The following USP48 variants were observed in gnomAD, a reference collection of about 807,000 sequenced individuals.
USP48 encodes the protein ubiquitin specific peptidase 48.
In USP48, 43 loss-of-function variants were observed where a neutral mutation model predicts 150.7. The ratio of observed to expected loss-of-function variants is 0.29; its 90% CI spans 0.22 to 0.37. USP48 has a LOEUF of 0.37. USP48 is among the 10% of genes least tolerant of loss of function. USP48 has a pLI of 1.00. For missense variants in USP48, 813 were observed against 1,249.6 expected (o/e 0.65, Z 5.27); for synonymous variants, 396 against 425.9 (o/e 0.93, Z 0.86).
At chr1:21,772,393 G>A (rs777614939) in intron 1 of USP48, among the ~76,000 whole-genome samples, 17 of 152,136 alleles carry the variant, frequency 1.1e-4, no homozygotes, top group Non-Finnish European at 2.2e-4. Flanking sequence ...GGAGGCCGAG[G>A]CGGGCAGATC....
intron 9 of USP48, among the ~76,000 whole-genome samples, chr1:21,735,996 A>G (rs747941833): frequency 2.0e-5 from 3 of 152,072 alleles, no homozygotes; most frequent in Non-Finnish European, 2.9e-5. Context: ...AACTGCTTGA[A>G]CCCAGGAGGC....
chr1:21,733,429 A>G (rs2097761807), intron 9 of USP48, among the ~76,000 whole-genome samples: 1 of 152,190 alleles, frequency 6.6e-6, no homozygotes, highest in African/African-American at 2.4e-5. Context: ...AACAAAAAAA[A>G]GAGTACCCAA....
intron 25 of USP48, 84 bp downstream of exon 25, chr1:21,687,107 A>T (rs932933043): frequency 7.7e-7 from 1 of 1,290,826 alleles, no homozygotes; most frequent in African/African-American, 1.5e-5. Context: ...AAGTAAAAGC[A>T]CTGTACACTA....
rs555798277 is a variant in USP48, at chr1:21,697,358, C to G, written c.2728-2137G>C. 5.9e-5 allele frequency among the ~76,000 whole-genome samples: 9 copies of G among 151,872 alleles called. No homozygotes were observed. In the South Asian group the frequency reaches 1.9e-3, roughly 32 times the overall value. ...AACCCGATGAAACATTTTTCTCAGT[C>G]TCGACTGTTGAAAGAAAAGGTCAGG... On this transcript the variant is annotated intron_variant, in intron 22 of 26. Transcript: ENST00000308271.
chr1:21,694,559 G>C (rs1486567091), intron 23 of USP48, among the ~76,000 whole-genome samples: 4 of 88,642 alleles, frequency 4.5e-5, no homozygotes, highest in Non-Finnish European at 5.6e-5. Flanking sequence ...GACAGAGTGA[G>C]GCTCTGTCTC....
chr1:21,732,060 T>C (rs933602232), intron 9 of USP48, among the ~76,000 whole-genome samples: 3 of 152,114 alleles, frequency 2.0e-5, no homozygotes, highest in Non-Finnish European at 2.9e-5. Context: ...GGCGGATCAT[T>C]TGAGATCAGG....
intron 1 of USP48, chr1:21,768,193 C>G (rs1248502816): frequency 6.8e-6 from 1 of 147,340 alleles, no homozygotes; most frequent in East Asian, 2.0e-4. Flanking sequence ...GGCAACAGAA[C>G]AAGACTCCGT....
chr1:21,778,811 C>A (rs192448590), intron 1 of USP48, among the ~76,000 whole-genome samples: 47 of 150,500 alleles, frequency 3.1e-4, no homozygotes, highest in African/African-American at 1.1e-3. Flanking sequence ...AGTGCAGTGG[C>A]GTATCTCAGC....
chr1:21,714,278 TTGA>T (rs1366863697), intron 15 of USP48, among the ~76,000 whole-genome samples: 1 of 152,138 alleles, frequency 6.6e-6, no homozygotes, highest in Non-Finnish European at 1.5e-5. Context: ...TATTGTCCTA[TTGA>T]TTTTATTTTA....
intron 19 of USP48, among the ~76,000 whole-genome samples, chr1:21,704,904 G>C (rs111286135): frequency 0.017 from 2,570 of 152,062 alleles, 40 homozygotes; most frequent in African/African-American, 0.037. Context: ...TTTGCTTACT[G>C]GTGTATTTTC....
chr1:21,711,176 A>G (rs1215125512), intron 15 of USP48, among the ~76,000 whole-genome samples: 1 of 152,156 alleles, frequency 6.6e-6, no homozygotes, highest in African/African-American at 2.4e-5. Context: ...AGGGTTTAAA[A>G]GAAGGTTAAT....
intron 24 of USP48, among the ~76,000 whole-genome samples, chr1:21,688,032 G>C (rs1216450100): frequency 6.6e-6 from 1 of 152,090 alleles, no homozygotes; most frequent in Non-Finnish European, 1.5e-5. Flanking sequence ...GGGGCTCCAA[G>C]GTTTGAAAAG....
At chr1:21,770,935 C>T (rs186568776) in intron 1 of USP48, among the ~76,000 whole-genome samples, 1 of 151,564 alleles carries the variant, frequency 6.6e-6, no homozygotes, top group Non-Finnish European at 1.5e-5. Flanking sequence ...CCAGCCTGGC[C>T]AAGATGGTGA....
chr1:21,767,107 C>T (rs1243138954), intron 1 of USP48, among the ~76,000 whole-genome samples: 2 of 152,068 alleles, frequency 1.3e-5, no homozygotes, highest in Non-Finnish European at 2.9e-5. Context: ...AATCCATGGC[C>T]TCCTGGGCAC....
intron 1 of USP48, among the ~76,000 whole-genome samples, chr1:21,773,336 A>C (rs1335319943): frequency 6.6e-6 from 1 of 151,932 alleles, no homozygotes; most frequent in African/African-American, 2.4e-5. Flanking sequence ...TCCAGAACAC[A>C]CAATTCACAG....
chr1:21,687,630 T>C (rs2152496252), intron 24 of USP48, among the ~76,000 whole-genome samples: 1 of 152,330 alleles, frequency 6.6e-6, no homozygotes, highest in Non-Finnish European at 1.5e-5. Context: ...CCTCTCAGAA[T>C]ACCAATTAGG....
intron 6 of USP48, among the ~76,000 whole-genome samples, chr1:21,750,827 A>C (rs555982475): frequency 1.3e-5 from 2 of 151,856 alleles, no homozygotes; most frequent in Admixed American, 6.6e-5. Flanking sequence ...GGTTGCAATG[A>C]GCCAAGATTG....
chr1:21,771,252 T>C (rs1054965921), intron 1 of USP48, among the ~76,000 whole-genome samples: 11 of 151,878 alleles, frequency 7.2e-5, no homozygotes, highest in African/African-American at 2.4e-4. Flanking sequence ...TGCACACCTG[T>C]AGTCCCAGCT....
Position 21,706,460 on chromosome 1 carries a change from A to G in USP48, c.2211+7T>C, listed in dbSNP as rs1158270313. On this transcript the variant is annotated splice_region_variant and intron_variant, in intron 17 of 26. Coordinates refer to ENST00000308271, the MANE Select transcript of USP48 (RefSeq NM_032236.8). Reference sequence around the variant, plus strand: ...ATGCATTCTTTCTTTTGTGGGAATCATTATACCTCTGGCCAGTTACTGAGA... The same window carrying G: ...ATGCATTCTTTCTTTTGTGGGAATCGTTATACCTCTGGCCAGTTACTGAGA... The G allele has an allele frequency of 6.2e-7, 1 of 1,613,756 alleles. No homozygotes were observed. Among genetic ancestry groups the G allele is most frequent in the East Asian group, 2.2e-5 (1 of 44,882 alleles).
Sources: gnomAD v4.1 joint callset for allele counts (sites outside exome capture counted in the v4.1 genomes callset) on GRCh38, gnomAD v4.1.1 for gene constraint, MANE v1.5 for transcripts, NCBI Gene and HGNC (gene_info 2026-07-23, HGNC 2026-07-21) for gene names.